Variants in UGCG observed in about 807,000 individuals in gnomAD.
The protein encoded by UGCG is UDP-glucose ceramide glucosyltransferase.
In UGCG, 10 loss-of-function variants were observed where a neutral mutation model predicts 49.5. The observed-to-expected ratio is 0.20, with a 90% CI of 0.12 to 0.34. The LOEUF (loss-of-function observed/expected upper bound fraction) is 0.34. UGCG is among the 10% of genes least tolerant of loss of function. UGCG has a pLI of 1.00. For missense variants in UGCG, 312 were observed against 483.7 expected (o/e 0.65, Z 3.33); for synonymous variants, 182 against 158.2 (o/e 1.15, Z -1.13).
chr9:111,926,356 C>G, intron 4 of UGCG, 28 bp from the exon 5 acceptor site: 3 of 1,531,020 alleles, frequency 2.0e-6, no homozygotes, highest in Non-Finnish European at 2.7e-6. Flanking sequence ...TCTTTTCTCC[C>G]CCTCTCTGCC....
rs996283282 is a variant in UGCG at position 111,933,606 on chromosome 9, A to G, written c.*609A>G. 6.6e-6 allele frequency: 1 copy of G among 152,164 alleles called. No homozygotes were observed. The highest frequency in any genetic ancestry group is 1.5e-5 in the Non-Finnish European group (1 of 68,016). The allele number at this position is 152,164 out of a possible 1,614,324, so 9.4% of individuals were successfully genotyped here. ...AAACAGAAAAACTTAAAAAAAAATG[A>G]TATAAGAGCTGGAGTCTAGTATTTA... is the stretch of plus-strand genomic sequence containing the variant. On this transcript the variant is annotated 3_prime_UTR_variant, in exon 9 of 9. Transcript: ENST00000374279.
rs1838470677 is a variant in UGCG, at chr9:111,933,979, A to G, written c.*982A>G. 1 of 152,170 alleles carries G rather than the reference A, an allele frequency of 6.6e-6. No homozygotes were observed. The highest frequency in any genetic ancestry group is 6.5e-5 in the Admixed American group (1 of 15,274). The allele number at this position is 152,170 out of a possible 1,614,324, so 9.4% of individuals were successfully genotyped here. The stretch of plus-strand genomic sequence containing the variant: ...TTACACAGTATGTCTTATTGTTAAT[A>G]AGAATGTAATTTCATGATACAAGTA... On this transcript the variant is annotated 3_prime_UTR_variant, in exon 9 of 9. Coordinates refer to ENST00000374279, the MANE Select transcript of UGCG (RefSeq NM_003358.3).
At chr9:111,918,021 CT>C (rs1054427595) in intron 2 of UGCG, among the ~76,000 whole-genome samples, 4 of 151,408 alleles carry the variant, frequency 2.6e-5, no homozygotes, top group African/African-American at 9.7e-5. Context: ...ATTTTTTTTT[CT>C]TTTTTGCAAT....
At chr9:111,928,964 A>G (rs1040575446) in intron 5 of UGCG, among the ~76,000 whole-genome samples, 13 of 152,076 alleles carry the variant, frequency 8.5e-5, no homozygotes, top group African/African-American at 3.1e-4. Context: ...ATTGGGAAGA[A>G]TCTTAGTGAC....
chr9:111,902,235 G>A (rs1190536029), intron 1 of UGCG, among the ~76,000 whole-genome samples: 1 of 152,120 alleles, frequency 6.6e-6, no homozygotes, highest in Non-Finnish European at 1.5e-5. Flanking sequence ...GTTTTCTATG[G>A]TGGTGGAATC....
rs1554733560 is a variant in UGCG, at chr9:111,912,050, A to ATATG, written c.99-2552_99-2551insGTAT. Among the ~76,000 whole-genome samples the ATATG allele has an allele frequency of 2.1e-5, 3 of 142,862 alleles. No homozygotes were observed. The East Asian group carries it at 6.4e-4, about 30-fold the overall frequency. 93.7% of individuals were successfully genotyped at this position (142,862 alleles called of 152,430 possible). A position where few individuals can be genotyped will look rare whatever the true frequency, so the allele number is the denominator to read the frequency against. On this transcript the variant is annotated intron_variant, in intron 1 of 8. Coordinates refer to ENST00000374279, the MANE Select transcript of UGCG (RefSeq NM_003358.3). The stretch of plus-strand genomic sequence containing the variant: ...ACAGGATATATATATATATATATAT[A>ATATG]TATCCTGTTGAATCAATTAATTGTG...
chr9:111,899,335 A>C (rs1442910548), intron 1 of UGCG, among the ~76,000 whole-genome samples: 1 of 152,244 alleles, frequency 6.6e-6, no homozygotes, highest in Non-Finnish European at 1.5e-5. Flanking sequence ...TTTGCCTTAC[A>C]AACACTAAGT....
chr9:111,922,749 A>G, intron 2 of UGCG, 100 bp from the exon 3 acceptor site: 1 of 707,820 alleles, frequency 1.4e-6, no homozygotes, highest in Non-Finnish European at 2.2e-6. Context: ...TGCATAATAC[A>G]GTTGCTTGTT....
chr9:111,911,925 T>TATATATATATTCAACAGG, intron 1 of UGCG, among the ~76,000 whole-genome samples: 1 of 24,680 alleles, frequency 4.1e-5, no homozygotes, highest in South Asian at 1.1e-3. Context: ...TATATATATA[T>TATATATATATTCAACAGG]ATATATATAT....
chr9:111,906,726 C>T lies in UGCG; in HGVS notation c.99-7879C>T, dbSNP rs543133018. ...GATTACAGGCATGAGCCACTGCACC[C>T]AGCCTTTCACTTGTTTCTTATGCCT... On this transcript the variant is annotated intron_variant, in intron 1 of 8. Transcript: ENST00000374279. Among the ~76,000 whole-genome samples, 36 of 152,300 alleles carry T rather than the reference C, an allele frequency of 2.4e-4. No individual in the cohort carries two copies. In the South Asian group the frequency reaches 7.5e-3, roughly 32 times the overall value.
At chr9:111,932,478 T>C (rs1838443627) in intron 8 of UGCG, 119 bp downstream of exon 8, 3 of 1,117,138 alleles carry the variant, frequency 2.7e-6, no homozygotes, top group Non-Finnish European at 3.7e-6. Flanking sequence ...TGTAGGTTAG[T>C]CTCGGGTTTG....
At chr9:111,911,908 A>G (rs1384125335) in intron 1 of UGCG, among the ~76,000 whole-genome samples, 3 of 3,722 alleles carry the variant, frequency 8.1e-4, no homozygotes, top group Non-Finnish European at 2.2e-3. Context: ...TCAACAGGAT[A>G]TATATATATA....
intron 2 of UGCG, among the ~76,000 whole-genome samples, chr9:111,915,196 A>G (rs1838090879): frequency 6.6e-6 from 1 of 152,214 alleles, no homozygotes; most frequent in Non-Finnish European, 1.5e-5. Flanking sequence ...AGTTAGTGGT[A>G]CTGTAGGGTT....
chr9:111,928,164 G>C (rs1257677945), intron 5 of UGCG, among the ~76,000 whole-genome samples: 1 of 152,216 alleles, frequency 6.6e-6, no homozygotes, highest in Admixed American at 6.5e-5. Flanking sequence ...AAGGTACATT[G>C]TGGGAACTTG....
At chr9:111,908,926 C>T (rs1269855570) in intron 1 of UGCG, among the ~76,000 whole-genome samples, 1 of 152,174 alleles carries the variant, frequency 6.6e-6, no homozygotes, top group East Asian at 1.9e-4. Flanking sequence ...CAATTGATCA[C>T]AGTGCCCTCC....
chr9:111,919,302 C>T (rs1564202401), intron 2 of UGCG, among the ~76,000 whole-genome samples: 1 of 151,818 alleles, frequency 6.6e-6, no homozygotes, highest in East Asian at 1.9e-4. Flanking sequence ...GCATTCAAGA[C>T]CAGCTCGTCG....
intron 1 of UGCG, among the ~76,000 whole-genome samples, chr9:111,908,563 A>G (rs983893456): frequency 6.6e-6 from 1 of 152,222 alleles, no homozygotes; most frequent in African/African-American, 2.4e-5. Flanking sequence ...TAATATGTAC[A>G]TTATGTATCA....
At chr9:111,915,496 A>G (rs978757251) in intron 2 of UGCG, among the ~76,000 whole-genome samples, 29 of 152,222 alleles carry the variant, frequency 1.9e-4, no homozygotes, top group African/African-American at 7.0e-4. Context: ...TGGTGGTAAC[A>G]GATCACTTGT....
At chr9:111,906,579 G>A (rs1408205555) in intron 1 of UGCG, among the ~76,000 whole-genome samples, 1 of 151,818 alleles carries the variant, frequency 6.6e-6, no homozygotes, top group African/African-American at 2.4e-5. Flanking sequence ...ACAGGTGTGC[G>A]CCACCATGCC....
Sources: allele counts gnomAD v4.1 joint callset (sites outside exome capture counted in the v4.1 genomes callset), GRCh38; gene constraint gnomAD v4.1.1; transcripts MANE v1.5; gene names NCBI Gene and HGNC (gene_info 2026-07-23, HGNC 2026-07-21).